The following SUMF1 variants were observed in gnomAD, a reference collection of about 807,000 sequenced individuals.
SUMF1 encodes the protein sulfatase modifying factor 1, also known as formylglycine-generating enzyme.
SUMF1 carries 48 observed loss-of-function variants against 47.6 expected under a neutral mutation model. The observed-to-expected ratio is 1.01, with a 90% CI of 0.80 to 1.28. The LOEUF (loss-of-function observed/expected upper bound fraction) is 1.28, where lower values mean the gene tolerates loss of function less well. SUMF1 is among the 50% of genes most tolerant of loss of function. The pLI, the probability that SUMF1 is intolerant of heterozygous loss-of-function variation, is 0.00. For missense variants in SUMF1, 571 were observed against 485.4 expected (o/e 1.18, Z -1.66); for synonymous variants, 230 against 192.1 (o/e 1.20, Z -1.63).
chr3:4,321,470 TAAAAAA>T (rs1206478992), intron 8 of SUMF1, among the ~76,000 whole-genome samples: 171 of 63,742 alleles, frequency 2.7e-3, no homozygotes, highest in South Asian at 4.1e-3. Context: ...AAGGAAATGC[TAAAAAA>T]AAAAAAAAAA....
chr3:4,360,636 A>G (rs965787526), downstream of SUMF1, among the ~76,000 whole-genome samples: 2 of 152,202 alleles, frequency 1.3e-5, no homozygotes, highest in Non-Finnish European at 2.9e-5. Flanking sequence ...CCTGGCCTAC[A>G]TGACTGCTTT....
intron 3 of SUMF1, among the ~76,000 whole-genome samples, chr3:4,445,037 C>T (rs1011553267): frequency 2.0e-5 from 3 of 152,076 alleles, no homozygotes; most frequent in Non-Finnish European, 2.9e-5. Flanking sequence ...GGATGGGAAT[C>T]GGTAATGACC....
chr3:4,169,562 A>G (rs1376872147), intron 8 of SUMF1, among the ~76,000 whole-genome samples: 2 of 152,148 alleles, frequency 1.3e-5, no homozygotes, highest in African/African-American at 2.4e-5. Context: ...GCAGACACCT[A>G]TATTTCAGAC....
At chr3:4,102,433 A>C (rs1345345132) in intron 8 of SUMF1, among the ~76,000 whole-genome samples, 1 of 152,142 alleles carries the variant, frequency 6.6e-6, no homozygotes, top group South Asian at 2.1e-4. Flanking sequence ...AAATCCCACA[A>C]TAGCAGTAAT....
At chr3:4,059,058 T>C (rs957015485) in intron 9 of SUMF1, among the ~76,000 whole-genome samples, 1 of 152,068 alleles carries the variant, frequency 6.6e-6, no homozygotes, top group Admixed American at 6.6e-5. Context: ...TGGGACAACA[T>C]ACTGGAAAAG....
At chr3:4,366,265 C>T (rs1699953378) in intron 8 of SUMF1, among the ~76,000 whole-genome samples, 1 of 152,060 alleles carries the variant, frequency 6.6e-6, no homozygotes, top group Non-Finnish European at 1.5e-5. Context: ...TGTTGGCCTG[C>T]CTTGTTAGAT....
chr3:4,349,313 T>C (rs951696117), intron 8 of SUMF1, among the ~76,000 whole-genome samples: 2 of 152,120 alleles, frequency 1.3e-5, no homozygotes, highest in Non-Finnish European at 1.5e-5. Flanking sequence ...AGAATGGCGA[T>C]TATTAAAAAA....
chr3:4,038,681 G>A (rs62257653), intron 9 of SUMF1, among the ~76,000 whole-genome samples: 30,394 of 152,002 alleles, frequency 0.2, 3,556 homozygotes, highest in South Asian at 0.39. Flanking sequence ...TGTAAGCTCA[G>A]GTGTAGCCCT....
At chr3:4,464,757 C>G (rs1442718928) in intron 1 of SUMF1, among the ~76,000 whole-genome samples, 1 of 152,162 alleles carries the variant, frequency 6.6e-6, no homozygotes, top group African/African-American at 2.4e-5. Flanking sequence ...TAAGAACAGC[C>G]TCCTATGACG....
At chr3:4,195,985 G>C (rs777907189) in intron 8 of SUMF1, among the ~76,000 whole-genome samples, 31 of 152,130 alleles carry the variant, frequency 2.0e-4, no homozygotes, top group Admixed American at 1.9e-3. Context: ...TTGGATACCA[G>C]AAATTATATA....
At chr3:4,260,664 G>A (rs1697066435) in intron 8 of SUMF1, among the ~76,000 whole-genome samples, 1 of 152,136 alleles carries the variant, frequency 6.6e-6, no homozygotes, top group Non-Finnish European at 1.5e-5. Context: ...GAACCCAGGA[G>A]GCAGAGGTTG....
intron 8 of SUMF1, among the ~76,000 whole-genome samples, chr3:4,248,435 GAA>G (rs1300239275): frequency 1.3e-5 from 2 of 152,132 alleles, no homozygotes; most frequent in Non-Finnish European, 1.5e-5. Context: ...CAGTAGAGAA[GAA>G]AAGATACAAG....
intron 8 of SUMF1, among the ~76,000 whole-genome samples, chr3:4,230,572 C>G (rs1696276156): frequency 6.6e-6 from 1 of 152,064 alleles, no homozygotes. Context: ...CCGGATACGC[C>G]ACCTTCCCAG....
chr3:4,219,098 C>T (rs1313396125), intron 8 of SUMF1, among the ~76,000 whole-genome samples: 3 of 152,144 alleles, frequency 2.0e-5, no homozygotes, highest in Non-Finnish European at 4.4e-5. Flanking sequence ...TCCCCCATAC[C>T]ACCCCCACAC....
intron 8 of SUMF1, among the ~76,000 whole-genome samples, chr3:4,168,992 C>A (rs1694772458): frequency 6.6e-6 from 1 of 152,184 alleles, no homozygotes. Flanking sequence ...GCTTGAGTCC[C>A]TTCTAACATC....
chr3:4,254,133 C>T (rs1290695351), intron 8 of SUMF1, among the ~76,000 whole-genome samples: 1 of 151,630 alleles, frequency 6.6e-6, no homozygotes, highest in African/African-American at 2.4e-5. Flanking sequence ...CATCAAAGAC[C>T]AAAAGCAAAA....
chr3:4,045,515 G>A (rs1694989363), intron 9 of SUMF1, among the ~76,000 whole-genome samples: 2 of 151,806 alleles, frequency 1.3e-5, no homozygotes, highest in Admixed American at 6.6e-5. Context: ...AAATGAGATT[G>A]TATATATAAA....
chr3:4,220,444 A>C (rs1326585627), intron 8 of SUMF1, among the ~76,000 whole-genome samples: 2 of 152,062 alleles, frequency 1.3e-5, no homozygotes, highest in African/African-American at 2.4e-5. Context: ...AGTTCATAGG[A>C]GCATTGCTTT....
chr3:4,145,773 C>T (rs546372661), intron 8 of SUMF1, among the ~76,000 whole-genome samples: 3 of 152,116 alleles, frequency 2.0e-5, no homozygotes, highest in African/African-American at 7.2e-5. Context: ...GTATTCAAGA[C>T]AGTTGAGGCA....
Sources: allele counts gnomAD v4.1 joint callset (sites outside exome capture counted in the v4.1 genomes callset), GRCh38; gene constraint gnomAD v4.1.1; transcripts MANE v1.5; gene names NCBI Gene and HGNC (gene_info 2026-07-23, HGNC 2026-07-21).